CELF1: variants seen among roughly 807,000 people sequenced by gnomAD.
CELF1 encodes the protein CUGBP Elav-like family member 1.
A neutral mutation model predicts 61.8 loss-of-function variants in CELF1; 10 were observed. That is an observed-to-expected ratio of 0.16 (90% CI 0.10 to 0.27). CELF1 has a LOEUF of 0.27. CELF1 is among the 10% of genes least tolerant of loss of function. The pLI, the probability that CELF1 is intolerant of heterozygous loss-of-function variation, is 1.00. For synonymous variants in CELF1, 236 were observed against 225.1 expected (o/e 1.05, Z -0.43); for missense variants, 380 against 639.1 (o/e 0.59, Z 4.37).
chr11:47,547,089 A>G (rs1368328510), intron 1 of CELF1, among the ~76,000 whole-genome samples: 3 of 147,610 alleles, frequency 2.0e-5, no homozygotes, highest in East Asian at 3.9e-4. Context: ...AAAAAAAAAA[A>G]AAAAGAAAGA....
intron 1 of CELF1, among the ~76,000 whole-genome samples, chr11:47,542,271 G>A (rs1021181767): frequency 1.3e-5 from 2 of 152,096 alleles, no homozygotes; most frequent in Non-Finnish European, 2.9e-5. Context: ...TCGAGGTTGA[G>A]GCAGAAGAAT....
chr11:47,484,421 C>T lies in CELF1; in HGVS notation c.494G>A (p.Arg165Gln). 6 of 1,613,618 alleles carry T rather than the reference C, an allele frequency of 3.7e-6. No homozygotes were observed. Among genetic ancestry groups the T allele is most frequent in the Non-Finnish European group, 5.1e-6 (6 of 1,179,844 alleles). ...CAGGCCATCAGGTCCCCGCAATATC[C>T]GGCATTCTTCAATCTGTCCAAACGA... is the stretch of plus-strand genomic sequence containing the variant. ...FSSFGQIEECRILRGPDGLSR... is the reference protein window; with the variant it reads ...FSSFGQIEECQILRGPDGLSR... The change falls in exon 7 of 15, where the codon CGG (arginine) becomes CAG (glutamine). Residue 165 changes from arginine (R) to glutamine (Q), a missense_variant. Physicochemically the swap from Arg to Gln is conservative, Grantham distance 43. Coordinates refer to ENST00000687097, the MANE Select transcript of CELF1 (RefSeq NM_001376376.1).
intron 13 of CELF1, among the ~76,000 whole-genome samples, chr11:47,473,603 A>G (rs2078660453): frequency 6.6e-6 from 1 of 152,196 alleles, no homozygotes; most frequent in Admixed American, 6.5e-5. Context: ...AGGTTTCCAA[A>G]TAATGCCTAG....
At chr11:47,527,675 G>C (rs2096295594) in intron 1 of CELF1, among the ~76,000 whole-genome samples, 1 of 152,088 alleles carries the variant, frequency 6.6e-6, no homozygotes, top group Non-Finnish European at 1.5e-5. Context: ...TCCTATTACA[G>C]CAACTTTGAC....
intron 1 of CELF1, among the ~76,000 whole-genome samples, chr11:47,549,492 A>G (rs947076172): frequency 6.6e-6 from 1 of 152,196 alleles, no homozygotes; most frequent in South Asian, 2.1e-4. Context: ...ATTAGCCTTA[A>G]AAAGGAAATA....
chr11:47,491,289 AG>A (rs2091347100), intron 3 of CELF1, among the ~76,000 whole-genome samples: 1 of 151,830 alleles, frequency 6.6e-6, no homozygotes, highest in Non-Finnish European at 1.5e-5. Flanking sequence ...CAGCCTCCTG[AG>A]TAGCTGGGAT....
chr11:47,484,914 GTGA>G (rs1394483921), intron 6 of CELF1, among the ~76,000 whole-genome samples: 1 of 152,002 alleles, frequency 6.6e-6, no homozygotes, highest in Non-Finnish European at 1.5e-5. Flanking sequence ...TCGACCTCAG[GTGA>G]TCCACCCGCC....
intron 3 of CELF1, among the ~76,000 whole-genome samples, chr11:47,492,539 G>T (rs192770965): frequency 6.6e-6 from 1 of 152,228 alleles, no homozygotes; most frequent in Admixed American, 6.5e-5. Flanking sequence ...AGACCACCCT[G>T]GCCAACATGG....
At position 47,472,815 on chromosome 11, in the gene CELF1, G is replaced by A. The variant is rs2078259966; in HGVS notation, c.1417+273C>T. Among the ~76,000 whole-genome samples the A allele has an allele frequency of 2.0e-5, 3 of 152,156 alleles. No homozygotes were observed. The South Asian group carries it at 6.2e-4, about 32-fold the overall frequency. On this transcript the variant is annotated intron_variant, in intron 14 of 14. Coordinates refer to ENST00000687097, the MANE Select transcript of CELF1 (RefSeq NM_001376376.1). ...CTGCCTTGGCCTCCCCAAGTACTGG[G>A]ACTTACAGGCACAAACCTGGACTGT...
intron 1 of CELF1, among the ~76,000 whole-genome samples, chr11:47,512,180 T>A (rs904121731): frequency 6.6e-6 from 1 of 151,006 alleles, no homozygotes; most frequent in Non-Finnish European, 1.5e-5. Context: ...TGAGATGGAG[T>A]CCCGCTCTGT....
upstream of CELF1, among the ~76,000 whole-genome samples, chr11:47,553,889 G>C (rs2097193247): frequency 6.6e-6 from 1 of 151,804 alleles, no homozygotes; most frequent in South Asian, 2.1e-4. Context: ...CCTGGGTCTA[G>C]ATGGAACGCA....
chr11:47,487,343 T>C, intron 4 of CELF1, 102 bp from the exon 5 acceptor site: 1 of 798,282 alleles, frequency 1.3e-6, no homozygotes, highest in Non-Finnish European at 2.0e-6. Context: ...GAGGGCTGGG[T>C]TTATTAAAAT....
chr11:47,475,600 G>C, intron 12 of CELF1, 79 bp from the exon 13 acceptor site: 4 of 1,448,866 alleles, frequency 2.8e-6, no homozygotes, highest in Non-Finnish European at 3.8e-6. Flanking sequence ...GGGACATCTA[G>C]AAGAGGGAAA....
intron 1 of CELF1, among the ~76,000 whole-genome samples, chr11:47,538,948 A>G (rs1304424378): frequency 6.6e-6 from 1 of 152,216 alleles, no homozygotes; most frequent in African/African-American, 2.4e-5. Context: ...GCACACAGCC[A>G]TTCACCATTA....
chr11:47,482,616 G>T, intron 9 of CELF1, 79 bp downstream of exon 9: 1 of 1,408,406 alleles, frequency 7.1e-7, no homozygotes, highest in Non-Finnish European at 9.7e-7. Context: ...ATGCCACTGT[G>T]TTTGTTGGCT....
At chr11:47,563,683 C>T (rs1185559897) in intron 2 of CELF1, among the ~76,000 whole-genome samples, 3 of 151,792 alleles carry the variant, frequency 2.0e-5, no homozygotes, top group African/African-American at 2.4e-5. Flanking sequence ...AAGGAGACTC[C>T]GTCTCAAAAA....
intron 1 of CELF1, among the ~76,000 whole-genome samples, chr11:47,545,850 C>CGTGTGTGT (rs1206141521): frequency 1.0e-4 from 13 of 124,040 alleles, no homozygotes; most frequent in Non-Finnish European, 2.3e-4. Flanking sequence ...CATATGTATA[C>CGTGTGTGT]GTGTGTGTGT....
intron 1 of CELF1, among the ~76,000 whole-genome samples, chr11:47,529,048 A>T (rs1488930662): frequency 6.7e-6 from 1 of 150,172 alleles, no homozygotes; most frequent in Non-Finnish European, 1.5e-5. Context: ...CTGAGTACAG[A>T]TGTGTGCCAC....
chr11:47,515,589 A>G (rs947761651), intron 1 of CELF1, among the ~76,000 whole-genome samples: 1 of 152,198 alleles, frequency 6.6e-6, no homozygotes, highest in African/African-American at 2.4e-5. Flanking sequence ...GAATGTGACT[A>G]ATTTTTTTCT....
Sources: gnomAD v4.1 joint callset for allele counts (sites outside exome capture counted in the v4.1 genomes callset) on GRCh38, gnomAD v4.1.1 for gene constraint, MANE v1.5 for transcripts, NCBI Gene and HGNC (gene_info 2026-07-23, HGNC 2026-07-21) for gene names.